ITPR1: variants seen among roughly 807,000 people sequenced by gnomAD.
ITPR1 encodes the protein inositol 1,4,5-trisphosphate-gated calcium channel ITPR1.
In ITPR1, 96 loss-of-function variants were observed where a neutral mutation model predicts 318.4. The ratio of observed to expected loss-of-function variants is 0.30; its 90% confidence interval spans 0.26 to 0.36. ITPR1 has a LOEUF of 0.36. ITPR1 is among the 10% of genes least tolerant of loss of function. The pLI is 1.00. For missense variants in ITPR1, 2,440 were observed against 3,460.2 expected (o/e 0.71, Z 7.40); for synonymous variants, 1,312 against 1,289.9 (o/e 1.02, Z -0.37).
At chr3:4,494,098 A>G (rs571164037) in intron 1 of ITPR1, among the ~76,000 whole-genome samples, 23 of 152,336 alleles carry the variant, frequency 1.5e-4, no homozygotes, top group South Asian at 6.2e-4. Context: ...CTCATGTCCA[A>G]TGAGGATGCG....
At position 4,665,160 on chromosome 3, in the gene ITPR1, C is replaced by G; in HGVS notation, c.1577C>G (p.Pro526Arg). The G allele has an allele frequency of 6.2e-7, 1 of 1,614,030 alleles. No individual in the cohort carries two copies. The highest frequency in any genetic ancestry group is 8.5e-7 in the Non-Finnish European group (1 of 1,179,876). ...CAGATCTTCAAGTTGTTACAAGCCC[C>G]ATTCACAGACTGCGGTGATGGCCCA... ...LKQIFKLLQA[P>R]FTDCGDGPML... is the part of the protein sequence containing the mutation. Residue 526 changes from proline (P) to arginine (R), a missense_variant, in exon 17 of 62, where the codon CCA becomes CGA. By Grantham distance (103) the Pro-to-Arg change is moderately radical. This residue lies in a region of ITPR1 where 478 missense variants were observed against 696.3 expected (regional missense o/e 0.69). Coordinates refer to ENST00000649015, the MANE Select transcript of ITPR1 (RefSeq NM_001378452.1).
intron 52 of ITPR1, among the ~76,000 whole-genome samples, chr3:4,789,116 C>T (rs1166348486): frequency 2.6e-5 from 4 of 152,224 alleles, no homozygotes; most frequent in African/African-American, 7.2e-5. Context: ...ATTCCCACCT[C>T]ACTTCCAGCC....
At chr3:4,638,554 T>C (rs1457603320) in intron 5 of ITPR1, among the ~76,000 whole-genome samples, 2 of 152,344 alleles carry the variant, frequency 1.3e-5, no homozygotes, top group East Asian at 1.9e-4. Flanking sequence ...TTTGTGACTA[T>C]ACAGTTAATC....
intron 44 of ITPR1, among the ~76,000 whole-genome samples, chr3:4,745,035 TC>T (rs2043993280): frequency 1.9e-5 from 2 of 104,366 alleles, no homozygotes; most frequent in African/African-American, 3.9e-5. Context: ...TTTCTTTTCT[TC>T]TTTATCTCTT....
chr3:4,560,392 A>G (rs982304255), intron 4 of ITPR1, among the ~76,000 whole-genome samples: 3 of 152,238 alleles, frequency 2.0e-5, no homozygotes, highest in African/African-American at 4.8e-5. Flanking sequence ...TGGTATACAC[A>G]TACATTAGTT....
At chr3:4,800,190 C>T in intron 53 of ITPR1, 1 of 522,096 alleles carries the variant, frequency 1.9e-6, no homozygotes. Flanking sequence ...AAAGCTAAGA[C>T]CTGAGATGAA....
At chr3:4,667,671 G>A (rs940126679) in intron 18 of ITPR1, 122 bp downstream of exon 18, 3 of 916,804 alleles carry the variant, frequency 3.3e-6, no homozygotes, top group Non-Finnish European at 4.7e-6. Context: ...AGTTAGGTCT[G>A]GAGAGGCTTT....
chr3:4,713,823 T>C (rs2041562063), intron 39 of ITPR1, among the ~76,000 whole-genome samples: 1 of 152,210 alleles, frequency 6.6e-6, no homozygotes, highest in African/African-American at 2.4e-5. Context: ...ATGGCCTTTC[T>C]TTCCAGTCTG....
intron 18 of ITPR1, among the ~76,000 whole-genome samples, chr3:4,668,121 T>C (rs1053348532): frequency 6.6e-6 from 1 of 152,192 alleles, no homozygotes; most frequent in African/African-American, 2.4e-5. Context: ...AATTATTGAC[T>C]GTAATTACCC....
chr3:4,522,309 C>T (rs2082630454), intron 4 of ITPR1, among the ~76,000 whole-genome samples: 1 of 152,110 alleles, frequency 6.6e-6, no homozygotes, highest in Admixed American at 6.5e-5. Context: ...TCAAATCTTG[C>T]CATTTGCAGA....
chr3:4,591,713 C>A (rs550692099), intron 4 of ITPR1, among the ~76,000 whole-genome samples: 243 of 152,266 alleles, frequency 1.6e-3, no homozygotes, highest in African/African-American at 5.5e-3. Context: ...TGATCAAAAA[C>A]ATTTTTAAAG....
Position 4,627,691 on chromosome 3 carries a change from CT to C in ITPR1, c.164-62del, listed in dbSNP as rs139104291. The C allele has an allele frequency of 4.3e-3, 3,328 of 778,506 alleles. 2 individuals carry two copies. The highest frequency in any genetic ancestry group is 7.4e-3 in the South Asian group (444 of 60,128). 48.2% of individuals were successfully genotyped at this position (778,506 alleles called of 1,614,324 possible). On this transcript the variant is annotated intron_variant, in intron 4 of 61. Coordinates refer to ENST00000649015, the MANE Select transcript of ITPR1 (RefSeq NM_001378452.1). ...TTATGTAATTTTTTAAGTGGAAAGC[CT>C]TTTTTTTTTCCTTAGGCTGAGTCTC...
chr3:4,642,061 ACACT>A (rs771310931), intron 6 of ITPR1, 28 bp from the exon 7 acceptor site: 124 of 1,519,140 alleles, frequency 8.2e-5, no homozygotes, highest in Non-Finnish European at 3.8e-5. Flanking sequence ...AGATTTGCTG[ACACT>A]CACTTTATTC....
intron 19 of ITPR1, among the ~76,000 whole-genome samples, chr3:4,670,082 A>C (rs752372145): frequency 1.4e-4 from 21 of 152,326 alleles, no homozygotes; most frequent in Non-Finnish European, 2.8e-4. Context: ...CATCAATTTA[A>C]AATTTCAAAT....
At chr3:4,572,521 T>G (rs1380701880) in intron 4 of ITPR1, among the ~76,000 whole-genome samples, 3 of 152,228 alleles carry the variant, frequency 2.0e-5, no homozygotes, top group Non-Finnish European at 2.9e-5. Context: ...ATTAGGATGC[T>G]TCATATTTTT....
chr3:4,794,560 AG>A (rs992195744), intron 52 of ITPR1, among the ~76,000 whole-genome samples: 4 of 152,150 alleles, frequency 2.6e-5, no homozygotes, highest in South Asian at 4.1e-4. Flanking sequence ...TGAGCCAGAG[AG>A]GAATGTGGAA....
chr3:4,551,961 T>C (rs1054622560), intron 4 of ITPR1, among the ~76,000 whole-genome samples: 1 of 152,208 alleles, frequency 6.6e-6, no homozygotes, highest in Admixed American at 6.5e-5. Context: ...GCTCTGGAGG[T>C]TCCATGTGAA....
chr3:4,827,747 G>C (rs965657240), intron 60 of ITPR1, among the ~76,000 whole-genome samples: 1 of 152,204 alleles, frequency 6.6e-6, no homozygotes, highest in Non-Finnish European at 1.5e-5. Context: ...GTGATCCTTA[G>C]GGTCTGAGTC....
At chr3:4,559,598 A>C (rs2086475656) in intron 4 of ITPR1, among the ~76,000 whole-genome samples, 1 of 152,224 alleles carries the variant, frequency 6.6e-6, no homozygotes, top group African/African-American at 2.4e-5. Context: ...TAGTCTAATC[A>C]GAGAGGGCAG....
Sources: allele counts gnomAD v4.1 joint callset (sites outside exome capture counted in the v4.1 genomes callset), GRCh38; gene constraint gnomAD v4.1.1; regional missense constraint gnomAD v4.1.1; transcripts MANE v1.5; gene names NCBI Gene and HGNC (gene_info 2026-07-23, HGNC 2026-07-21).